Variants in TTLL5 observed in about 807,000 individuals in gnomAD.
The protein encoded by TTLL5 is tubulin polyglutamylase TTLL5.
A neutral mutation model predicts 168.4 loss-of-function variants in TTLL5; 132 were observed. That is an observed-to-expected ratio of 0.78 (90% CI 0.68 to 0.91). The LOEUF (loss-of-function observed/expected upper bound fraction) is 0.91, where lower values mean the gene tolerates loss of function less well. Among genes scored for constraint, TTLL5 ranks in the 40% least tolerant of loss-of-function variants. The pLI, the probability that TTLL5 is intolerant of heterozygous loss-of-function variation, is 0.00. For synonymous variants in TTLL5, 546 were observed against 558.6 expected (o/e 0.98, Z 0.32); for missense variants, 1,545 against 1,581.5 (o/e 0.98, Z 0.39).
intron 28 of TTLL5, among the ~76,000 whole-genome samples, chr14:75,861,724 A>ATT (rs1233289669): frequency 6.6e-6 from 1 of 152,184 alleles, no homozygotes; most frequent in African/African-American, 2.4e-5. Context: ...CTGTACCTAA[A>ATT]AAGGAAAAGA....
chr14:75,669,311 C>A, intron 2 of TTLL5, 105 bp from the exon 3 acceptor site: 1 of 1,024,494 alleles, frequency 9.8e-7, no homozygotes, highest in Non-Finnish European at 1.4e-6. Flanking sequence ...ATTTGTATTC[C>A]AGAAGGAAGG....
At chr14:75,888,842 G>A (rs1041886909) in intron 30 of TTLL5, among the ~76,000 whole-genome samples, 1 of 151,650 alleles carries the variant, frequency 6.6e-6, no homozygotes, top group Non-Finnish European at 1.5e-5. Flanking sequence ...GGCGGAGGCT[G>A]GAGAATCGCT....
chr14:75,781,484 T>C (rs191691623), intron 24 of TTLL5, among the ~76,000 whole-genome samples: 3 of 152,210 alleles, frequency 2.0e-5, no homozygotes, highest in African/African-American at 7.2e-5. Flanking sequence ...AAAATGGCCT[T>C]TCTTAAGTTT....
intron 17 of TTLL5, among the ~76,000 whole-genome samples, chr14:75,748,877 T>C (rs776642807): frequency 6.6e-6 from 1 of 152,316 alleles, no homozygotes; most frequent in South Asian, 2.1e-4. Flanking sequence ...TTTGTACTTG[T>C]TTATAGGCAA....
At chr14:75,865,884 T>C (rs2030474620) in intron 29 of TTLL5, among the ~76,000 whole-genome samples, 1 of 152,212 alleles carries the variant, frequency 6.6e-6, no homozygotes, top group Non-Finnish European at 1.5e-5. Context: ...AGAAGGGAGT[T>C]ATCTCGTTCT....
chr14:75,680,995 T>G (rs1423410031), intron 3 of TTLL5, among the ~76,000 whole-genome samples: 1 of 152,126 alleles, frequency 6.6e-6, no homozygotes, highest in Non-Finnish European at 1.5e-5. Context: ...CCCATGGGCC[T>G]CTTCGCAGAA....
chr14:75,699,617 T>G (rs1886113504), intron 7 of TTLL5, among the ~76,000 whole-genome samples: 1 of 152,234 alleles, frequency 6.6e-6, no homozygotes, highest in South Asian at 2.1e-4. Flanking sequence ...TTAGCATCTG[T>G]TGTGAGCAGA....
chr14:75,870,261 A>C (rs2030915012), intron 29 of TTLL5, among the ~76,000 whole-genome samples: 1 of 100,470 alleles, frequency 1.0e-5, no homozygotes, highest in Non-Finnish European at 1.9e-5. Context: ...AATTACCTCA[A>C]TCTTTTTTTT....
At chr14:75,773,927 T>TATATAGAGAGAGAGAG (rs1354936334) in intron 21 of TTLL5, among the ~76,000 whole-genome samples, 8 of 21,126 alleles carry the variant, frequency 3.8e-4, no homozygotes, top group Non-Finnish European at 4.7e-4. Context: ...TATATATATA[T>TATATAGAGAGAGAGAG]AGAGAGAGAG....
intron 28 of TTLL5, among the ~76,000 whole-genome samples, chr14:75,846,150 A>G (rs774746513): frequency 6.6e-6 from 1 of 152,224 alleles, no homozygotes; most frequent in Non-Finnish European, 1.5e-5. Context: ...TATGACTTGT[A>G]TAATATTTAC....
chr14:75,774,198 A>C (rs974708031), intron 21 of TTLL5, among the ~76,000 whole-genome samples: 2 of 152,240 alleles, frequency 1.3e-5, no homozygotes, highest in Admixed American at 1.3e-4. Flanking sequence ...GGACAACAAC[A>C]TCTTTAAGGC....
At chr14:75,800,169 G>A (rs950389625) in intron 27 of TTLL5, among the ~76,000 whole-genome samples, 15 of 152,110 alleles carry the variant, frequency 9.9e-5, no homozygotes, top group African/African-American at 3.4e-4. Flanking sequence ...TTTTGGGGAT[G>A]CCTTTTTCTT....
chr14:75,838,813 G>C (rs1896039770), intron 28 of TTLL5: 1 of 152,712 alleles, frequency 6.5e-6, no homozygotes, highest in African/African-American at 2.4e-5. Flanking sequence ...TGTTCCATTG[G>C]ATCCTTGCTG....
At chr14:75,780,573 G>C (rs1329752723) in intron 24 of TTLL5, among the ~76,000 whole-genome samples, 1 of 152,166 alleles carries the variant, frequency 6.6e-6, no homozygotes, top group East Asian at 1.9e-4. Flanking sequence ...TCAACCTACT[G>C]ATGTTGTCAG....
At chr14:75,729,190 GA>G (rs2140226348) in intron 12 of TTLL5, among the ~76,000 whole-genome samples, 1 of 152,276 alleles carries the variant, frequency 6.6e-6, no homozygotes, top group Admixed American at 6.5e-5. Flanking sequence ...ATAGTCCTTT[GA>G]AAACACTTGC....
intron 27 of TTLL5, among the ~76,000 whole-genome samples, chr14:75,799,692 G>A (rs1481822142): frequency 6.6e-6 from 1 of 152,102 alleles, no homozygotes; most frequent in East Asian, 1.9e-4. Context: ...GCATTTGTTT[G>A]TCTGAAAAAG....
chr14:75,906,642 G>GAA (rs1158874121), intron 31 of TTLL5: 1 of 985,762 alleles, frequency 1.0e-6, no homozygotes, highest in African/African-American at 1.7e-5. Context: ...ATAGGACAGA[G>GAA]AAAATCAAAG....
intron 21 of TTLL5, among the ~76,000 whole-genome samples, chr14:75,772,959 G>A (rs546463259): frequency 9.2e-5 from 14 of 152,162 alleles, no homozygotes; most frequent in East Asian, 1.9e-4. Context: ...GAGCCAGCGC[G>A]CCTGGCCCCA....
chr14:75,749,579 A>G (rs1249535265), intron 17 of TTLL5, among the ~76,000 whole-genome samples: 2 of 152,040 alleles, frequency 1.3e-5, no homozygotes, highest in Non-Finnish European at 2.9e-5. Flanking sequence ...AGTAGAGGAT[A>G]TGTATTTCCT....
Sources: gnomAD v4.1 joint callset for allele counts (sites outside exome capture counted in the v4.1 genomes callset) on GRCh38, gnomAD v4.1.1 for gene constraint, MANE v1.5 for transcripts, NCBI Gene and HGNC (gene_info 2026-07-23, HGNC 2026-07-21) for gene names.